AIM2: variants seen among roughly 807,000 people sequenced by gnomAD.
The protein encoded by AIM2 is absent in melanoma 2.
A neutral mutation model predicts 27.7 loss-of-function variants in AIM2; 30 were observed. The ratio of observed to expected loss-of-function variants is 1.08; its 90% CI spans 0.81 to 1.47. The LOEUF is 1.47. Among genes scored for constraint, AIM2 ranks in the 40% most tolerant of loss-of-function variants. AIM2 has a pLI of 0.00. For synonymous variants in AIM2, 141 were observed against 145.3 expected (o/e 0.97, Z 0.21); for missense variants, 358 against 411.3 (o/e 0.87, Z 1.12).
chr1:159,091,489 T>G (rs1657041875), intron 1 of AIM2, among the ~76,000 whole-genome samples: 1 of 152,232 alleles, frequency 6.6e-6, no homozygotes, highest in African/African-American at 2.4e-5. Flanking sequence ...TTCTGAAGAT[T>G]CACAAGTTAC....
rs147768985 is a variant in AIM2, at chr1:159,122,946, G to A, written c.-16+17485C>T. On this transcript the variant is annotated intron_variant, in intron 1 of 2. Coordinates refer to the AIM2 transcript ENST00000368129. ...TTTTTGATAACATTTGCATCTTAATGTTCCTAAATCAATTAACCTGAGGCT... is the reference window on the plus strand; with the variant it reads ...TTTTTGATAACATTTGCATCTTAATATTCCTAAATCAATTAACCTGAGGCT... Among the ~76,000 whole-genome samples the A allele has an allele frequency of 1.8e-3, 276 of 152,224 alleles. 4 individuals are homozygous for A. In the South Asian group the frequency reaches 0.03, roughly 17 times the overall value.
At chr1:159,106,575 G>A (rs1239690112) in intron 1 of AIM2, among the ~76,000 whole-genome samples, 1 of 152,218 alleles carries the variant, frequency 6.6e-6, no homozygotes, top group African/African-American at 2.4e-5. Flanking sequence ...GGTGGAAAAT[G>A]ACTGAGACCT....
chr1:159,095,376 A>C (rs146525224), intron 1 of AIM2, among the ~76,000 whole-genome samples: 1 of 152,330 alleles, frequency 6.6e-6, no homozygotes, highest in East Asian at 1.9e-4. Context: ...AACTCGAATC[A>C]ATTTGGTAGT....
At chr1:159,077,115 A>G (rs1334014532), upstream of AIM2, among the ~76,000 whole-genome samples, 2 of 152,240 alleles carry the variant, frequency 1.3e-5, no homozygotes, top group African/African-American at 2.4e-5. Flanking sequence ...CTTGTCTTCA[A>G]AGCATAAGAG....
At chr1:159,083,652 A>G (rs1656833371) in intron 1 of AIM2, among the ~76,000 whole-genome samples, 1 of 152,210 alleles carries the variant, frequency 6.6e-6, no homozygotes, top group Non-Finnish European at 1.5e-5. Flanking sequence ...GTATCTTCCT[A>G]TTCTAAGGAT....
rs1229478843 is a variant in AIM2, at chr1:159,062,731, A to G, written c.1006-13T>C. ...TGGCCTTAATAACCTGGATGGAGAAAAAAAACATGCAGTCTGAGATGCAGT... is the reference window on the plus strand; with the variant it reads ...TGGCCTTAATAACCTGGATGGAGAAGAAAAACATGCAGTCTGAGATGCAGT... On this transcript the variant is annotated splice_polypyrimidine_tract_variant and intron_variant, in intron 5 of 5. Transcript: ENST00000368130. 6.2e-7 allele frequency: 1 copy of G among 1,613,732 alleles called. No homozygotes were observed.
rs147510640 is a variant in AIM2, at chr1:159,088,870, G to A, written c.-15-22541C>T. 3.3e-3 allele frequency among the ~76,000 whole-genome samples: 495 copies of A among 152,202 alleles called. 6 individuals carry two copies. The highest frequency in any genetic ancestry group is 0.011 in the African/African-American group (461 of 41,518). On this transcript the variant is annotated intron_variant, in intron 1 of 2. Transcript: ENST00000368129. ...TGGGCTCCTCAACCTTGAACTTCTC[G>A]GCCTCGAGAACTGTAAAAAATACAT...
intron 2 of AIM2, among the ~76,000 whole-genome samples, chr1:159,069,567 G>C (rs1467427062): frequency 3.3e-5 from 5 of 150,676 alleles, no homozygotes; most frequent in Non-Finnish European, 7.4e-5. Context: ...TTTTGAGACG[G>C]AGTCTCACTC....
intron 1 of AIM2, among the ~76,000 whole-genome samples, chr1:159,106,655 TTC>T (rs1657454943): frequency 6.6e-6 from 1 of 152,214 alleles, no homozygotes; most frequent in Non-Finnish European, 1.5e-5. Context: ...GATTAGAACA[TTC>T]TCTGTCTCCT....
At chr1:159,099,637 C>G (rs1488526479) in intron 1 of AIM2, among the ~76,000 whole-genome samples, 1 of 152,156 alleles carries the variant, frequency 6.6e-6, no homozygotes, top group East Asian at 1.9e-4. Flanking sequence ...GGTGTCTGCT[C>G]AGATCAGCAA....
chr1:159,062,407 C>T (rs1384754156), downstream of AIM2: 2 of 448,634 alleles, frequency 4.5e-6, no homozygotes, highest in South Asian at 6.0e-5. Flanking sequence ...TTTGTATAAA[C>T]ATCATATAAT....
chr1:159,067,966 G>A (rs1656180000), intron 3 of AIM2, among the ~76,000 whole-genome samples: 1 of 151,942 alleles, frequency 6.6e-6, no homozygotes, highest in African/African-American at 2.4e-5. Flanking sequence ...TGTCCATGCA[G>A]GTGTATAAAG....
upstream of AIM2, among the ~76,000 whole-genome samples, chr1:159,080,565 T>C (rs1334928583): frequency 6.6e-6 from 1 of 152,122 alleles, no homozygotes; most frequent in Non-Finnish European, 1.5e-5. Flanking sequence ...TAAACAGTGG[T>C]TTCCAAACTT....
chr1:159,105,649 A>C (rs1657424415), intron 1 of AIM2, among the ~76,000 whole-genome samples: 1 of 152,198 alleles, frequency 6.6e-6, no homozygotes, highest in Admixed American at 6.5e-5. Context: ...GAGGAGACCC[A>C]GAGTGAGTAG....
At chr1:159,080,728 C>A (rs1406889512), upstream of AIM2, among the ~76,000 whole-genome samples, 1 of 152,142 alleles carries the variant, frequency 6.6e-6, no homozygotes, top group African/African-American at 2.4e-5. Context: ...TAATCTCTGG[C>A]ATTTAAACTA....
intron 1 of AIM2, among the ~76,000 whole-genome samples, chr1:159,106,184 A>C (rs1309574318): frequency 1.3e-5 from 2 of 152,132 alleles, no homozygotes; most frequent in African/African-American, 4.8e-5. Context: ...CTGGGTCCGG[A>C]GCTGCAGCTG....
At chr1:159,076,293 T>C (rs1051457999) in intron 1 of AIM2, among the ~76,000 whole-genome samples, 7 of 152,250 alleles carry the variant, frequency 4.6e-5, no homozygotes, top group Non-Finnish European at 1.0e-4. Context: ...TGAAGTTATG[T>C]TGCCTTATAA....
downstream of AIM2, among the ~76,000 whole-genome samples, chr1:159,058,251 A>C (rs1295872096): frequency 6.6e-6 from 1 of 152,032 alleles, no homozygotes; most frequent in African/African-American, 2.4e-5. Flanking sequence ...TGGGAGGCTA[A>C]GGCAGGACAA....
intron 2 of AIM2, among the ~76,000 whole-genome samples, chr1:159,072,828 TAC>T (rs1656419300): frequency 6.6e-6 from 1 of 152,218 alleles, no homozygotes; most frequent in African/African-American, 2.4e-5. Context: ...TATCCTGGTT[TAC>T]AGTTTTCCAA....
Sources: allele counts gnomAD v4.1 joint callset (sites outside exome capture counted in the v4.1 genomes callset), GRCh38; gene constraint gnomAD v4.1.1; transcripts MANE v1.5; gene names NCBI Gene and HGNC (gene_info 2026-07-23, HGNC 2026-07-21).